SLC39A10: variants seen among roughly 807,000 people sequenced by gnomAD.
SLC39A10 encodes zinc transporter ZIP10.
In SLC39A10, 13 loss-of-function variants were observed where a neutral mutation model predicts 65.1. The observed-to-expected ratio is 0.20, with a 90% CI of 0.13 to 0.32. The LOEUF is 0.32. Ranked by LOEUF, SLC39A10 falls within the 10% of genes least tolerant of loss-of-function variation. The pLI, the probability that SLC39A10 is intolerant of heterozygous loss-of-function variation, is 1.00. For synonymous variants in SLC39A10, 321 were observed against 342.2 expected (o/e 0.94, Z 0.68); for missense variants, 831 against 1,018.4 (o/e 0.82, Z 2.50).
intron 6 of SLC39A10, among the ~76,000 whole-genome samples, chr2:195,715,967 A>C (rs1691792912): frequency 6.6e-6 from 1 of 152,220 alleles, no homozygotes; most frequent in Non-Finnish European, 1.5e-5. Flanking sequence ...ATTAAGTTTC[A>C]CTGGAATTTG....
At chr2:195,703,063 C>T (rs1691253691) in intron 3 of SLC39A10, among the ~76,000 whole-genome samples, 1 of 152,170 alleles carries the variant, frequency 6.6e-6, no homozygotes, top group Non-Finnish European at 1.5e-5. Flanking sequence ...GTTAGAGGCT[C>T]TGAAGGAACC....
At chr2:195,671,991 A>G (rs1689879109) in intron 1 of SLC39A10, among the ~76,000 whole-genome samples, 1 of 151,840 alleles carries the variant, frequency 6.6e-6, no homozygotes, top group South Asian at 2.1e-4. Context: ...GTGATTTAAT[A>G]TGGAGTAGTC....
chr2:195,683,502 T>C (rs1690410455), intron 2 of SLC39A10, among the ~76,000 whole-genome samples, 197 bp from the exon 3 acceptor site: 1 of 152,074 alleles, frequency 6.6e-6, no homozygotes, highest in African/African-American at 2.4e-5. Context: ...TTAAAGTCCA[T>C]GAAAAGTTTT....
chr2:195,706,439 T>G (rs1691397556), intron 3 of SLC39A10, among the ~76,000 whole-genome samples, 177 bp from the exon 4 acceptor site: 1 of 151,590 alleles, frequency 6.6e-6, no homozygotes, highest in Non-Finnish European at 1.5e-5. Context: ...TTAAAAATGT[T>G]TAAGTTAGTT....
chr2:195,658,320 C>A (rs1049083773), intron 1 of SLC39A10: 3 of 152,224 alleles, frequency 2.0e-5, no homozygotes, highest in Non-Finnish European at 4.4e-5. Flanking sequence ...GAAGAAATAT[C>A]ACTGCAGAAC....
chr2:195,665,043 G>T (rs1273049183), intron 1 of SLC39A10, among the ~76,000 whole-genome samples: 1 of 152,138 alleles, frequency 6.6e-6, no homozygotes, highest in African/African-American at 2.4e-5. Context: ...CCAGTGTGAG[G>T]TCGGGCACGG....
chr2:195,622,293 G>A (rs1359603533), intron 2 of SLC39A10, among the ~76,000 whole-genome samples: 1 of 152,100 alleles, frequency 6.6e-6, no homozygotes, highest in East Asian at 1.9e-4. Flanking sequence ...TTGAGCCCCG[G>A]AGGTCAAGGC....
upstream of SLC39A10, among the ~76,000 whole-genome samples, chr2:195,655,236 G>A (rs1220481534): frequency 1.3e-5 from 2 of 152,028 alleles, no homozygotes; most frequent in Non-Finnish European, 2.9e-5. Context: ...AAGCATGGGG[G>A]GATACCACTC....
chr2:195,725,225 A>G (rs1359518452), intron 8 of SLC39A10, among the ~76,000 whole-genome samples: 4 of 152,166 alleles, frequency 2.6e-5, no homozygotes, highest in Non-Finnish European at 5.9e-5. Context: ...TAGGCAAAGT[A>G]TTCTTAGATA....
intron 9 of SLC39A10, among the ~76,000 whole-genome samples, chr2:195,731,044 G>C (rs1049982814): frequency 7.9e-5 from 12 of 152,062 alleles, no homozygotes; most frequent in African/African-American, 2.9e-4. Flanking sequence ...TTCCAACTCT[G>C]TATCAGCTCA....
chr2:195,718,126 TA>T (rs780242626), intron 7 of SLC39A10, 125 bp from the exon 8 acceptor site: 209 of 638,184 alleles, frequency 3.3e-4, no homozygotes, highest in Non-Finnish European at 4.9e-4. Context: ...GTGTGTAAGA[TA>T]AGTGAGTCAC....
intron 2 of SLC39A10, among the ~76,000 whole-genome samples, chr2:195,619,053 A>G (rs1344729070): frequency 1.4e-5 from 2 of 141,480 alleles, no homozygotes; most frequent in African/African-American, 2.6e-5. Flanking sequence ...AGATCGCACC[A>G]TTGCACTCCA....
intron 3 of SLC39A10, among the ~76,000 whole-genome samples, chr2:195,692,008 C>T (rs999160718): frequency 6.6e-6 from 1 of 152,236 alleles, no homozygotes; most frequent in Non-Finnish European, 1.5e-5. Flanking sequence ...CTTTGCTCCA[C>T]CTTGAGTTGA....
chr2:195,711,894 C>T (rs560289667), intron 5 of SLC39A10, among the ~76,000 whole-genome samples: 2 of 152,158 alleles, frequency 1.3e-5, no homozygotes, highest in South Asian at 2.1e-4. Flanking sequence ...TCATGGTTGC[C>T]GTTTTTTTTC....
At chr2:195,699,168 T>C (rs1355563027) in intron 3 of SLC39A10, among the ~76,000 whole-genome samples, 1 of 152,024 alleles carries the variant, frequency 6.6e-6, no homozygotes, top group African/African-American at 2.4e-5. Flanking sequence ...CTGAATTTAG[T>C]AATTTGTATC....
rs1431196114 is a variant in SLC39A10 at position 195,680,845 on chromosome 2, A to G, written c.803A>G (p.Lys268Arg). 4 of 1,614,048 alleles carry G rather than the reference A, an allele frequency of 2.5e-6. No homozygotes were observed. The highest frequency in any genetic ancestry group is 2.5e-6 in the Non-Finnish European group (3 of 1,180,028). The change falls in exon 2 of 10, where the codon AAA becomes AGA. Residue 268 changes from lysine to arginine, a missense_variant. Lys to Arg is a conservative substitution (Grantham distance 26). Coordinates refer to ENST00000359634, the MANE Select transcript of SLC39A10 (RefSeq NM_020342.3). ...GEQYEHNRVHKPDRVHNPGHS... is the reference protein window; with the variant it reads ...GEQYEHNRVHRPDRVHNPGHS... ...CAGTATGAGCATAATCGGGTCCACA[A>G]ACCTGATCGTGTACATAACCCAGGT...
chr2:195,637,518 A>G (rs184264967), intron 2 of SLC39A10, among the ~76,000 whole-genome samples: 104 of 152,376 alleles, frequency 6.8e-4, no homozygotes, highest in African/African-American at 2.5e-3. Context: ...AAATGAATGC[A>G]GTGACAGTAA....
intron 8 of SLC39A10, among the ~76,000 whole-genome samples, chr2:195,719,990 A>G (rs368271874): frequency 1.3e-5 from 2 of 152,086 alleles, no homozygotes; most frequent in East Asian, 1.9e-4. Context: ...GGGTTTCTCC[A>G]TGTTGGTCAG....
intron 2 of SLC39A10, among the ~76,000 whole-genome samples, chr2:195,620,170 C>T (rs1181028051): frequency 6.6e-6 from 1 of 152,086 alleles, no homozygotes; most frequent in Non-Finnish European, 1.5e-5. Flanking sequence ...GTGATCCCCC[C>T]GCCTTGGCCT....
Sources: allele counts gnomAD v4.1 joint callset (sites outside exome capture counted in the v4.1 genomes callset), GRCh38; gene constraint gnomAD v4.1.1; transcripts MANE v1.5; gene names NCBI Gene and HGNC (gene_info 2026-07-23, HGNC 2026-07-21).